Variants in CHODL observed in about 807,000 individuals in gnomAD.
The protein encoded by CHODL is chondrolectin, also known as transmembrane protein MT75.
Under a neutral mutation model 34.5 loss-of-function variants are expected in CHODL, and 29 were observed. The observed-to-expected ratio is 0.84, with a 90% CI of 0.63 to 1.15. CHODL has a LOEUF of 1.15. CHODL is among the 50% of genes most tolerant of loss of function. CHODL has a pLI of 0.00. For synonymous variants in CHODL, 125 were observed against 116.1 expected (o/e 1.08, Z -0.49); for missense variants, 332 against 332.5 (o/e 1.00, Z 0.01).
intron 1 of CHODL, among the ~76,000 whole-genome samples, chr21:18,004,843 A>G (rs571036074): frequency 6.6e-6 from 1 of 150,822 alleles, no homozygotes; most frequent in Admixed American, 6.6e-5. Context: ...AAAAAAAAAA[A>G]AACAACAACA....
intron 2 of CHODL, among the ~76,000 whole-genome samples, chr21:18,080,990 T>C (rs1203878809): frequency 6.6e-6 from 1 of 152,210 alleles, no homozygotes; most frequent in Non-Finnish European, 1.5e-5. Flanking sequence ...TTCCCATTTG[T>C]TTATGTCATC....
chr21:18,049,098 T>C (rs1194075514), intron 2 of CHODL, among the ~76,000 whole-genome samples: 5 of 151,982 alleles, frequency 3.3e-5, no homozygotes, highest in Admixed American at 6.6e-5. Flanking sequence ...ATTGTTCTTG[T>C]ACAGTGTATT....
At chr21:17,965,230 T>C (rs1291132841) in intron 1 of CHODL, among the ~76,000 whole-genome samples, 1 of 152,184 alleles carries the variant, frequency 6.6e-6, no homozygotes, top group Non-Finnish European at 1.5e-5. Context: ...AAACTTAGAA[T>C]GGAGAATCTT....
intron 2 of CHODL, among the ~76,000 whole-genome samples, chr21:18,236,687 T>C (rs2074031581): frequency 6.6e-6 from 1 of 152,114 alleles, no homozygotes; most frequent in Non-Finnish European, 1.5e-5. Context: ...TTTGCAAAAT[T>C]TGATTAAAAA....
At chr21:18,006,470 G>A (rs897785423) in intron 1 of CHODL, among the ~76,000 whole-genome samples, 2 of 152,112 alleles carry the variant, frequency 1.3e-5, no homozygotes, top group East Asian at 3.8e-4. Flanking sequence ...TCTGTTGCTT[G>A]TGTGTGATAC....
At chr21:18,016,489 G>A (rs2064075426) in intron 1 of CHODL, among the ~76,000 whole-genome samples, 1 of 152,200 alleles carries the variant, frequency 6.6e-6, no homozygotes, top group Non-Finnish European at 1.5e-5. Flanking sequence ...CATGGGCCAG[G>A]ACCAGGCCCA....
chr21:17,936,349 A>C (rs913365208), intron 1 of CHODL, among the ~76,000 whole-genome samples: 1 of 152,192 alleles, frequency 6.6e-6, no homozygotes, highest in Non-Finnish European at 1.5e-5. Context: ...TGAGAAAATA[A>C]ATCATCAAAA....
intron 2 of CHODL, among the ~76,000 whole-genome samples, chr21:18,169,301 T>C (rs1297954619): frequency 6.6e-6 from 1 of 152,130 alleles, no homozygotes; most frequent in East Asian, 1.9e-4. Flanking sequence ...TAATATATAA[T>C]TGTGAATTAT....
intron 1 of CHODL, among the ~76,000 whole-genome samples, chr21:18,012,724 C>T (rs77090629): frequency 4.1e-3 from 619 of 152,216 alleles, no homozygotes; most frequent in Non-Finnish European, 7.0e-3. Context: ...CTCCCAAGAT[C>T]AGGGATTATG....
chr21:18,092,094 C>A (rs2065080747), intron 2 of CHODL, among the ~76,000 whole-genome samples: 1 of 152,288 alleles, frequency 6.6e-6, no homozygotes, highest in Middle Eastern at 3.4e-3. Context: ...TAAGCCAGAG[C>A]AGTTCCAATG....
At chr21:18,235,681 A>C (rs1044812771) in intron 2 of CHODL, among the ~76,000 whole-genome samples, 1 of 152,150 alleles carries the variant, frequency 6.6e-6, no homozygotes, top group African/African-American at 2.4e-5. Flanking sequence ...TCCACTTATA[A>C]TAAATTACGT....
At chr21:18,122,752 T>C (rs1291338663) in intron 2 of CHODL, among the ~76,000 whole-genome samples, 2 of 152,224 alleles carry the variant, frequency 1.3e-5, no homozygotes, top group Non-Finnish European at 2.9e-5. Context: ...ATTTAAAAAA[T>C]GCGTTCATCA....
Position 17,941,463 on chromosome 21 carries a change from T to C in CHODL, c.-145+24063T>C, listed in dbSNP as rs563362451. Among the ~76,000 whole-genome samples the C allele has an allele frequency of 7.2e-3, 1,081 of 150,690 alleles. 16 individuals carry two copies. Among genetic ancestry groups the C allele is most frequent in the African/African-American group, 0.024 (1,002 of 41,108 alleles). On this transcript the variant is annotated intron_variant, in intron 1 of 6. Coordinates refer to the CHODL transcript ENST00000400127. ...GGAGCTGGGCTTTTTTTTTTTTTTTTTCTGAATGTTCAAGTACAACCACCC... is the reference window on the plus strand; with the variant it reads ...GGAGCTGGGCTTTTTTTTTTTTTTTCTCTGAATGTTCAAGTACAACCACCC...
intron 2 of CHODL, among the ~76,000 whole-genome samples, chr21:18,034,806 G>A (rs1474060180): frequency 1.3e-5 from 2 of 151,958 alleles, no homozygotes; most frequent in Admixed American, 1.3e-4. Context: ...CTCCAGGGAG[G>A]AAAAAGCCAC....
intron 1 of CHODL, among the ~76,000 whole-genome samples, chr21:18,253,458 T>C (rs2146805830): frequency 6.6e-6 from 1 of 152,220 alleles, no homozygotes; most frequent in African/African-American, 2.4e-5. Flanking sequence ...CAAGGGAATG[T>C]AATTAAGATA....
At chr21:17,991,728 A>G (rs934561141) in intron 1 of CHODL, among the ~76,000 whole-genome samples, 7 of 150,300 alleles carry the variant, frequency 4.7e-5, no homozygotes, top group East Asian at 1.9e-4. Context: ...CTGAATATCA[A>G]TCTCTTGTCC....
At chr21:18,172,368 T>G (rs1450844377) in intron 2 of CHODL, among the ~76,000 whole-genome samples, 1 of 152,168 alleles carries the variant, frequency 6.6e-6, no homozygotes, top group Non-Finnish European at 1.5e-5. Context: ...TAATGATATT[T>G]CTCTGGGAAT....
At chr21:18,099,798 A>G (rs967937287) in intron 2 of CHODL, 1 of 152,138 alleles carries the variant, frequency 6.6e-6, no homozygotes. Context: ...GGATGCGCTT[A>G]AATAAAGTGG....
rs372680235 is a variant in CHODL at position 17,923,704 on chromosome 21, G to A, written c.-145+6304G>A. On this transcript the variant is annotated intron_variant, in intron 1 of 6. Coordinates refer to the CHODL transcript ENST00000400127. Reference sequence around the variant, plus strand: ...TCTCAAACTCCTGACCTCGTGATTCGCCCACCTCAGCCTCCCAAAGTACTG... The same window carrying A: ...TCTCAAACTCCTGACCTCGTGATTCACCCACCTCAGCCTCCCAAAGTACTG... 3.9e-4 allele frequency among the ~76,000 whole-genome samples: 60 copies of A among 152,020 alleles called. No individual in the cohort carries two copies. The East Asian group carries it at 8.1e-3, about 21-fold the overall frequency.
Sources: allele counts gnomAD v4.1 joint callset (sites outside exome capture counted in the v4.1 genomes callset), GRCh38; gene constraint gnomAD v4.1.1; transcripts MANE v1.5; gene names NCBI Gene and HGNC (gene_info 2026-07-23, HGNC 2026-07-21).